The following PAPPA variants were observed in gnomAD, a reference collection of about 807,000 sequenced individuals.
PAPPA encodes pappalysin-1.
A neutral mutation model predicts 164.0 loss-of-function variants in PAPPA; 60 were observed. That is an observed-to-expected ratio of 0.37 (90% confidence interval 0.30 to 0.45). The LOEUF is 0.45. Among genes scored for constraint, PAPPA ranks in the 20% least tolerant of loss-of-function variants. The pLI, the probability that PAPPA is intolerant of heterozygous loss-of-function variation, is 1.00. For missense variants in PAPPA, 1,782 were observed against 2,087.3 expected (o/e 0.85, Z 2.85); for synonymous variants, 875 against 814.1 (o/e 1.07, Z -1.27).
intron 1 of PAPPA, among the ~76,000 whole-genome samples, chr9:116,185,478 T>A (rs1843959006): frequency 6.6e-6 from 1 of 152,218 alleles, no homozygotes; most frequent in African/African-American, 2.4e-5. Context: ...CTTGCTCATT[T>A]GATGAGCACT....
intron 9 of PAPPA, among the ~76,000 whole-genome samples, chr9:116,278,654 G>T (rs1477078080): frequency 5.4e-5 from 8 of 148,782 alleles, no homozygotes; most frequent in African/African-American, 9.9e-5. Context: ...TAGCCAAATC[G>T]TTTTTTTTTT....
At chr9:116,344,001 C>T (rs548812877) in intron 13 of PAPPA, among the ~76,000 whole-genome samples, 144 of 152,108 alleles carry the variant, frequency 9.5e-4, no homozygotes, top group African/African-American at 3.4e-3. Flanking sequence ...CTCCTGACCT[C>T]GTGATCTGCC....
chr9:116,363,543 CGGGGTACTCA>C (rs1036514942), intron 18 of PAPPA, among the ~76,000 whole-genome samples: 1 of 152,176 alleles, frequency 6.6e-6, no homozygotes, highest in Admixed American at 6.5e-5. Flanking sequence ...CACAGCTTTC[CGGGGTACTCA>C]GAGTGCATGG....
At chr9:116,169,847 T>A (rs979138618) in intron 1 of PAPPA, among the ~76,000 whole-genome samples, 45 of 151,980 alleles carry the variant, frequency 3.0e-4, no homozygotes, top group African/African-American at 9.4e-4. Flanking sequence ...ATGTGTAGAA[T>A]GGATTGCATG....
intron 6 of PAPPA, among the ~76,000 whole-genome samples, chr9:116,231,726 C>T (rs1459767333): frequency 7.2e-6 from 1 of 139,110 alleles, no homozygotes; most frequent in Non-Finnish European, 1.5e-5. Flanking sequence ...TGGATAGTGT[C>T]TGTGTCTCTA....
intron 10 of PAPPA, among the ~76,000 whole-genome samples, chr9:116,310,843 C>T (rs79639805): frequency 0.15 from 22,495 of 152,136 alleles, 2,186 homozygotes; most frequent in Non-Finnish European, 0.22. Context: ...AGACTTTAAG[C>T]AAGTCAGTTC....
chr9:116,382,117 T>C (rs1322776275), intron 20 of PAPPA, among the ~76,000 whole-genome samples: 1 of 152,150 alleles, frequency 6.6e-6, no homozygotes, highest in Admixed American at 6.5e-5. Flanking sequence ...TGGTTTTGCA[T>C]ACCCAAGCAC....
intron 5 of PAPPA, among the ~76,000 whole-genome samples, chr9:116,222,832 AG>A (rs1336785933): frequency 4.6e-5 from 7 of 152,318 alleles, no homozygotes; most frequent in Admixed American, 4.6e-4. Flanking sequence ...ACTTGTGAAA[AG>A]GATAGATTTC....
At chr9:116,204,340 T>C (rs996259447) in intron 2 of PAPPA, among the ~76,000 whole-genome samples, 1 of 152,172 alleles carries the variant, frequency 6.6e-6, no homozygotes, top group Admixed American at 6.5e-5. Context: ...CCCATAGATA[T>C]AGGTCTATCT....
Position 116,206,121 on chromosome 9 carries a change from T to C in PAPPA, c.1479-1335T>C, listed in dbSNP as rs377675686. 9.2e-5 allele frequency among the ~76,000 whole-genome samples: 14 copies of C among 152,358 alleles called. 1 individual carries two copies. Among genetic ancestry groups the C allele is most frequent in the African/African-American group, 3.4e-4 (14 of 41,586 alleles). On this transcript the variant is annotated intron_variant, in intron 2 of 21. Coordinates refer to ENST00000328252, the MANE Select transcript of PAPPA (RefSeq NM_002581.5). ...AGCCTAAGAAGTTGAATGTGGGTTC[T>C]TGGGGAAGAGAAGGGCTCAGCAGCG...
chr9:116,185,864 G>A (rs764329365), intron 1 of PAPPA, among the ~76,000 whole-genome samples: 21 of 152,138 alleles, frequency 1.4e-4, no homozygotes, highest in Non-Finnish European at 2.5e-4. Context: ...CATGCCCCAG[G>A]TAGGTGGCAT....
At chr9:116,254,226 C>T (rs1378922623) in intron 7 of PAPPA, among the ~76,000 whole-genome samples, 1 of 152,110 alleles carries the variant, frequency 6.6e-6, no homozygotes, top group Non-Finnish European at 1.5e-5. Flanking sequence ...AAAGCAGGAC[C>T]ATAATGTGTT....
At chr9:116,224,827 C>T (rs970091341) in intron 5 of PAPPA, among the ~76,000 whole-genome samples, 1 of 152,082 alleles carries the variant, frequency 6.6e-6, no homozygotes, top group African/African-American at 2.4e-5. Context: ...TCATGAAACC[C>T]AAGTAAGAAA....
intron 9 of PAPPA, among the ~76,000 whole-genome samples, chr9:116,292,850 A>C (rs1467605084): frequency 6.6e-6 from 1 of 152,214 alleles, no homozygotes; most frequent in Admixed American, 6.5e-5. Context: ...GAAGTCTGGC[A>C]GCATTCCATG....
chr9:116,286,316 T>C (rs754188634), intron 9 of PAPPA: 1 of 152,106 alleles, frequency 6.6e-6, no homozygotes, highest in Non-Finnish European at 1.5e-5. Context: ...TGGCCCCAAA[T>C]TGAGCTGCTT....
intron 8 of PAPPA, 27 bp downstream of exon 8, chr9:116,266,012 G>A (rs1175026506): frequency 1.3e-6 from 2 of 1,583,800 alleles, no homozygotes; most frequent in Non-Finnish European, 1.7e-6. Flanking sequence ...AAAGAAAGAA[G>A]AGGAGGGATG....
rs73656813 is a variant in PAPPA, at chr9:116,347,323, A to G, written c.3964+114A>G. On this transcript the variant is annotated intron_variant, in intron 15 of 21. Transcript: ENST00000328252. The surrounding 1 kb of genome is among the most constrained non-coding windows in gnomAD (Gnocchi z 4.5). The stretch of plus-strand genomic sequence containing the variant: ...ACCAAGGGTGGGATGGGTTTTATCT[A>G]TGCTCCTGACTTCTTCCTACTAATT... 2,412 of 838,724 alleles carry G rather than the reference A, an allele frequency of 2.9e-3. 46 individuals are homozygous for G. In the African/African-American group the frequency reaches 0.038, roughly 13 times the overall value. The allele number at this position is 838,724 out of a possible 1,614,324, so 52.0% of individuals were successfully genotyped here.
At chr9:116,207,331 A>T in intron 2 of PAPPA, 125 bp from the exon 3 acceptor site, 1 of 655,982 alleles carries the variant, frequency 1.5e-6, no homozygotes, top group Non-Finnish European at 2.6e-6. Flanking sequence ...GGGGAATTCA[A>T]TAAGGTAGTA....
intron 1 of PAPPA, among the ~76,000 whole-genome samples, chr9:116,160,604 A>G (rs1279416757): frequency 6.6e-6 from 1 of 152,188 alleles, no homozygotes; most frequent in East Asian, 1.9e-4. Flanking sequence ...TCCAGGTACT[A>G]GAGGACTCCC....
Sources: gnomAD v4.1 joint callset for allele counts (sites outside exome capture counted in the v4.1 genomes callset) on GRCh38, gnomAD v4.1.1 for gene constraint, Gnocchi (gnomAD v3.1) non-coding constraint, MANE v1.5 for transcripts, NCBI Gene and HGNC (gene_info 2026-07-23, HGNC 2026-07-21) for gene names.